The following KCNIP1 variants were observed in gnomAD, a reference collection of about 807,000 sequenced individuals.
KCNIP1 encodes A-type potassium channel modulatory protein KCNIP1.
KCNIP1 carries 18 observed loss-of-function variants against 33.0 expected under a neutral mutation model. The observed-to-expected ratio is 0.55, with a 90% CI of 0.38 to 0.81. The LOEUF (loss-of-function observed/expected upper bound fraction) is 0.81. KCNIP1 is among the 30% of genes least tolerant of loss of function. The pLI is 0.00. For missense variants in KCNIP1, 238 were observed against 271.6 expected (o/e 0.88, Z 0.87); for synonymous variants, 93 against 98.3 (o/e 0.95, Z 0.32).
At chr5:170,474,551 G>A (rs931151961) in intron 1 of KCNIP1, among the ~76,000 whole-genome samples, 3 of 152,178 alleles carry the variant, frequency 2.0e-5, no homozygotes, top group Non-Finnish European at 4.4e-5. Flanking sequence ...TCCATTTATC[G>A]AGCACCTAGT....
intron 1 of KCNIP1, among the ~76,000 whole-genome samples, chr5:170,636,093 T>A (rs1760269276): frequency 6.6e-6 from 1 of 152,198 alleles, no homozygotes; most frequent in South Asian, 2.1e-4. Context: ...GGAGGAAATA[T>A]CTGGAGTCTC....
intron 5 of KCNIP1, among the ~76,000 whole-genome samples, chr5:170,730,686 G>C (rs1045129965): frequency 1.3e-5 from 2 of 152,210 alleles, no homozygotes; most frequent in African/African-American, 4.8e-5. Flanking sequence ...CCCTGTAGCA[G>C]TGAGCATACT....
intron 1 of KCNIP1, among the ~76,000 whole-genome samples, chr5:170,391,946 C>T (rs1754606598): frequency 6.6e-6 from 1 of 152,238 alleles, no homozygotes; most frequent in Non-Finnish European, 1.5e-5. Context: ...CAACACTCCA[C>T]CATCAAGAGG....
At chr5:170,549,146 AT>A (rs1419884416) in intron 1 of KCNIP1, among the ~76,000 whole-genome samples, 1 of 152,112 alleles carries the variant, frequency 6.6e-6, no homozygotes, top group Non-Finnish European at 1.5e-5. Context: ...ATGAAAAAAA[AT>A]CTCACCTGGG....
chr5:170,436,533 G>A (rs1351939623), intron 1 of KCNIP1, among the ~76,000 whole-genome samples: 3 of 152,256 alleles, frequency 2.0e-5, no homozygotes. Context: ...GAAACCCCGA[G>A]AGCTGGCTCC....
At chr5:170,431,992 C>G (rs1755753078) in intron 1 of KCNIP1, among the ~76,000 whole-genome samples, 1 of 152,032 alleles carries the variant, frequency 6.6e-6, no homozygotes, top group South Asian at 2.1e-4. Flanking sequence ...TGTTTGGCCT[C>G]AATGGCATTT....
intron 1 of KCNIP1, among the ~76,000 whole-genome samples, chr5:170,616,266 C>A (rs928843322): frequency 6.6e-6 from 1 of 152,116 alleles, no homozygotes; most frequent in Non-Finnish European, 1.5e-5. Flanking sequence ...TAACTGTTTT[C>A]TTCATTTATT....
chr5:170,406,773 C>T (rs531327769), intron 1 of KCNIP1, among the ~76,000 whole-genome samples: 2 of 152,350 alleles, frequency 1.3e-5, no homozygotes, highest in South Asian at 2.1e-4. Context: ...AGAGAGGAAT[C>T]TGCTTCCTGC....
At chr5:170,493,968 G>C (rs1185588402) in intron 1 of KCNIP1, among the ~76,000 whole-genome samples, 3 of 152,216 alleles carry the variant, frequency 2.0e-5, no homozygotes, top group African/African-American at 7.2e-5. Context: ...AGGTGGGGCA[G>C]AGCAGGGGCC....
intron 1 of KCNIP1, among the ~76,000 whole-genome samples, chr5:170,402,596 C>G (rs1754935289): frequency 6.6e-6 from 1 of 152,186 alleles, no homozygotes. Context: ...GCATGTGAAT[C>G]ATTGAACATC....
At chr5:170,623,503 C>G (rs1010273624) in intron 1 of KCNIP1, among the ~76,000 whole-genome samples, 1 of 152,134 alleles carries the variant, frequency 6.6e-6, no homozygotes, top group Non-Finnish European at 1.5e-5. Context: ...TGAGCCACCA[C>G]GACCTGCCCG....
At chr5:170,452,818 A>T (rs1756287637) in intron 1 of KCNIP1, among the ~76,000 whole-genome samples, 1 of 152,238 alleles carries the variant, frequency 6.6e-6, no homozygotes, top group Non-Finnish European at 1.5e-5. Flanking sequence ...AAATGAGGCG[A>T]CAACAGAGGA....
chr5:170,501,999 C>A (rs1757422591), upstream of KCNIP1, among the ~76,000 whole-genome samples: 1 of 152,178 alleles, frequency 6.6e-6, no homozygotes. Context: ...CTGGTGGGAC[C>A]CCCAGCAGGT....
At chr5:170,491,251 GATGA>G (rs757899570) in intron 1 of KCNIP1, among the ~76,000 whole-genome samples, 3 of 152,176 alleles carry the variant, frequency 2.0e-5, no homozygotes, top group Non-Finnish European at 4.4e-5. Flanking sequence ...ATCAATGGTA[GATGA>G]ATGAATGAAT....
chr5:170,405,411 C>T (rs1326119686), intron 1 of KCNIP1, among the ~76,000 whole-genome samples: 4 of 152,150 alleles, frequency 2.6e-5, no homozygotes. Flanking sequence ...GCCAGGTTAG[C>T]CAGGCTGGTC....
At chr5:170,603,844 C>T (rs1047755089) in intron 1 of KCNIP1, among the ~76,000 whole-genome samples, 3 of 152,166 alleles carry the variant, frequency 2.0e-5, no homozygotes, top group Admixed American at 1.3e-4. Context: ...ATTTAGTCTA[C>T]AGATGATGTG....
chr5:170,592,445 T>G (rs1192610061), intron 1 of KCNIP1, among the ~76,000 whole-genome samples: 1 of 152,022 alleles, frequency 6.6e-6, no homozygotes, highest in Non-Finnish European at 1.5e-5. Flanking sequence ...TGACACAGCT[T>G]GTATTGAAAC....
At position 170,507,873 on chromosome 5, in the gene KCNIP1, C is replaced by G. The variant is rs574079982; in HGVS notation, c.61+3240C>G. On this transcript the variant is annotated intron_variant, in intron 1 of 7. Coordinates refer to ENST00000328939, the MANE Select transcript of KCNIP1 (RefSeq NM_014592.4). ...CTCTCTGTTTGGGATCTTTGTGTGT[C>G]TTTAATTAAAAGTAGGAGAGCCCTG... Among the ~76,000 whole-genome samples the G allele has an allele frequency of 5.7e-4, 87 of 152,226 alleles. 1 individual carries two copies. In the South Asian group the frequency reaches 0.017, roughly 31 times the overall value.
chr5:170,668,305 T>C (rs1395345179), intron 1 of KCNIP1, among the ~76,000 whole-genome samples: 1 of 152,140 alleles, frequency 6.6e-6, no homozygotes, highest in African/African-American at 2.4e-5. Context: ...CAAGAATCAT[T>C]TTCTTCAGCA....
Sources: allele counts gnomAD v4.1 joint callset (sites outside exome capture counted in the v4.1 genomes callset), GRCh38; gene constraint gnomAD v4.1.1; transcripts MANE v1.5; gene names NCBI Gene and HGNC (gene_info 2026-07-23, HGNC 2026-07-21).